Variants in FAM204A observed in about 807,000 individuals in gnomAD.
The protein encoded by FAM204A is protein FAM204A.
In FAM204A, 16 loss-of-function variants were observed where a neutral mutation model predicts 35.4. That is an observed-to-expected ratio of 0.45 (90% CI 0.31 to 0.69). The LOEUF (loss-of-function observed/expected upper bound fraction) is 0.69, where lower values mean the gene tolerates loss of function less well. Ranked by LOEUF, FAM204A falls within the 30% of genes least tolerant of loss-of-function variation. The pLI is 0.07. For missense variants in FAM204A, 240 were observed against 265.7 expected, an observed-to-expected ratio of 0.90 and a Z score of 0.67; for synonymous variants, 76 against 86.9, an observed-to-expected ratio of 0.88 and a Z score of 0.70.
chr10:118,325,749 G>A (rs1846188588), intron 7 of FAM204A, among the ~76,000 whole-genome samples: 1 of 152,146 alleles, frequency 6.6e-6, no homozygotes, highest in Non-Finnish European at 1.5e-5. Context: ...TGAGCAAACA[G>A]TAAGAAAGCA....
chr10:118,313,927 G>T (rs944743253), intron 7 of FAM204A, among the ~76,000 whole-genome samples: 1 of 152,152 alleles, frequency 6.6e-6, no homozygotes, highest in African/African-American at 2.4e-5. Flanking sequence ...CCAAAGAGCA[G>T]CTCCCTATGT....
At chr10:118,322,164 T>C (rs1846128255) in intron 7 of FAM204A, 2 of 227,428 alleles carry the variant, frequency 8.8e-6, no homozygotes, top group Admixed American at 1.0e-4. Context: ...AAATCAGCAG[T>C]GGACACTAAA....
intron 7 of FAM204A, among the ~76,000 whole-genome samples, chr10:118,314,251 T>C (rs1438669544): frequency 6.6e-6 from 1 of 152,240 alleles, no homozygotes; most frequent in Non-Finnish European, 1.5e-5. Flanking sequence ...GTATATTTTC[T>C]AACTGTATTT....
chr10:118,332,098 G>A (rs966285199), intron 6 of FAM204A, among the ~76,000 whole-genome samples: 2 of 143,138 alleles, frequency 1.4e-5, no homozygotes, highest in African/African-American at 5.1e-5. Context: ...TTTGCACCTG[G>A]GAAGTGGAGG....
In FAM204A at chr10:118,307,792, A is replaced by T. The variant is rs943022868; in HGVS notation, c.*3065T>A. 2 of 152,230 alleles carry T rather than the reference A, an allele frequency of 1.3e-5. No homozygotes were observed. The highest frequency in any genetic ancestry group is 6.5e-5 in the Admixed American group (1 of 15,282). 9.4% of individuals were successfully genotyped at this position (152,230 alleles called of 1,614,324 possible). ...GTATAAAGAAAATCAGAAGATTTTA[A>T]TGTGAGTTCTAAGTTGTGACTTAAA... is the stretch of plus-strand genomic sequence containing the variant. On this transcript the variant is annotated 3_prime_UTR_variant, in exon 9 of 9. Transcript: ENST00000369183.
Position 118,308,199 on chromosome 10 carries a change from T to C in FAM204A, c.*2658A>G, listed in dbSNP as rs1845895593. 6.6e-6 allele frequency: 1 copy of C among 152,212 alleles called. No individual in the cohort carries two copies. Among genetic ancestry groups the C allele is most frequent in the African/African-American group, 2.4e-5 (1 of 41,454 alleles). The allele number at this position is 152,212 out of a possible 1,614,324, so 9.4% of individuals were successfully genotyped here. ...ACTTAAATAGTAAATCATAGTTACATTAATGCCATACCAACGGCCTGAAAC... is the reference window on the plus strand; with the variant it reads ...ACTTAAATAGTAAATCATAGTTACACTAATGCCATACCAACGGCCTGAAAC... On this transcript the variant is annotated 3_prime_UTR_variant, in exon 9 of 9. Coordinates refer to ENST00000369183, the MANE Select transcript of FAM204A (RefSeq NM_022063.3).
chr10:118,319,091 T>C (rs1393613486), intron 7 of FAM204A, among the ~76,000 whole-genome samples: 2 of 152,008 alleles, frequency 1.3e-5, no homozygotes, highest in African/African-American at 4.8e-5. Context: ...GGAAAAGTCC[T>C]GAATACTAGA....
rs1845786125 is a variant in FAM204A, at chr10:118,299,550, A to AT, written c.*11306dup. On this transcript the variant is annotated 3_prime_UTR_variant, in exon 9 of 9. Coordinates refer to ENST00000369183, the MANE Select transcript of FAM204A (RefSeq NM_022063.3). ...AGGGGTGTACCACCACATATGGCTA[A>AT]TTTTTTATTTTTTGTAGTGATGAAG... 1 of 151,742 alleles carries AT rather than the reference A, an allele frequency of 6.6e-6. No individual in the cohort carries two copies. The highest frequency in any genetic ancestry group is 2.4e-5 in the African/African-American group (1 of 41,216). 9.4% of individuals were successfully genotyped at this position (151,742 alleles called of 1,614,324 possible). A position where few individuals can be genotyped will look rare whatever the true frequency, so the allele number is the denominator to read the frequency against.
rs749294833 is a variant in FAM204A, at chr10:118,301,806, G to T, written c.*9051C>A. The T allele has an allele frequency of 6.6e-6, 1 of 152,218 alleles. No individual in the cohort carries two copies. The highest frequency in any genetic ancestry group is 2.1e-4 in the South Asian group (1 of 4,828). 9.4% of individuals were successfully genotyped at this position (152,218 alleles called of 1,614,324 possible). On this transcript the variant is annotated 3_prime_UTR_variant, in exon 9 of 9. Transcript: ENST00000369183. ...CTCAGGAGAACCCAAGGTACAGAGA[G>T]ATTAAGTAGCCTGCCGGAGGTTACA...
At position 118,298,743 on chromosome 10, in the gene FAM204A, G is replaced by C. The variant is rs988681904; in HGVS notation, c.*12114C>G. ...ATGAGGACCAGTGATGAAATGTCTG[G>C]GGAAGAGGTTTCAGTCAACTGTCAC... is the stretch of plus-strand genomic sequence containing the variant. On this transcript the variant is annotated 3_prime_UTR_variant, in exon 9 of 9. Coordinates refer to ENST00000369183, the MANE Select transcript of FAM204A (RefSeq NM_022063.3). 5 of 152,154 alleles carry C rather than the reference G, an allele frequency of 3.3e-5. No individual in the cohort carries two copies. The highest frequency in any genetic ancestry group is 5.9e-5 in the Non-Finnish European group (4 of 68,034). 9.4% of individuals were successfully genotyped at this position (152,154 alleles called of 1,614,324 possible).
In FAM204A at chr10:118,300,511, T is replaced by C. The variant is rs1474633705; in HGVS notation, c.*10346A>G. 2 of 152,204 alleles carry C rather than the reference T, an allele frequency of 1.3e-5. No homozygotes were observed. Among genetic ancestry groups the C allele is most frequent in the East Asian group, 3.8e-4 (2 of 5,196 alleles). 9.4% of individuals were successfully genotyped at this position (152,204 alleles called of 1,614,324 possible). A position where few individuals can be genotyped will look rare whatever the true frequency, so the allele number is the denominator to read the frequency against. On this transcript the variant is annotated 3_prime_UTR_variant, in exon 9 of 9. Coordinates refer to ENST00000369183, the MANE Select transcript of FAM204A (RefSeq NM_022063.3). ...ATCATGGTGGTGTAGCCTAGGGCACTGATTAACATTGGCTGAACACATATT... is the reference window on the plus strand; with the variant it reads ...ATCATGGTGGTGTAGCCTAGGGCACCGATTAACATTGGCTGAACACATATT...
chr10:118,323,243 C>T (rs1233029270), intron 7 of FAM204A, among the ~76,000 whole-genome samples: 6 of 152,072 alleles, frequency 3.9e-5, no homozygotes, highest in African/African-American at 1.4e-4. Context: ...TTTCTAAGAA[C>T]AATAGGGCAG....
At chr10:118,314,325 T>C (rs1326909424) in intron 7 of FAM204A, among the ~76,000 whole-genome samples, 1 of 152,236 alleles carries the variant, frequency 6.6e-6, no homozygotes, top group Non-Finnish European at 1.5e-5. Flanking sequence ...ACCTGGTCTA[T>C]GTATTTTCTA....
intron 7 of FAM204A, among the ~76,000 whole-genome samples, chr10:118,325,740 G>C (rs1334654248): frequency 2.0e-5 from 3 of 152,268 alleles, no homozygotes; most frequent in Non-Finnish European, 4.4e-5. Context: ...GGGATGTGCT[G>C]AGCAAACAGT....
intron 7 of FAM204A, among the ~76,000 whole-genome samples, chr10:118,316,019 C>T (rs987763454): frequency 1.3e-5 from 2 of 152,038 alleles, no homozygotes; most frequent in Middle Eastern, 3.2e-3. Context: ...TACTTTTTAT[C>T]CAATTTTTAA....
intron 2 of FAM204A, chr10:118,337,195 T>C: frequency 2.1e-6 from 2 of 972,584 alleles, no homozygotes; most frequent in Non-Finnish European, 2.4e-6. Flanking sequence ...ATTGTTATCA[T>C]TTGCTAAAAG....
At chr10:118,326,301 C>A in intron 6 of FAM204A, 58 bp from the exon 7 acceptor site, 2 of 1,404,046 alleles carry the variant, frequency 1.4e-6, no homozygotes, top group South Asian at 1.2e-5. Flanking sequence ...ATTTGCTAGC[C>A]AAGACCATGT....
chr10:118,327,879 T>C (rs1370028997), intron 6 of FAM204A, among the ~76,000 whole-genome samples: 4 of 152,206 alleles, frequency 2.6e-5, no homozygotes, highest in Non-Finnish European at 5.9e-5. Context: ...AAGAGGATTG[T>C]TTGAGCCCAG....
In FAM204A at chr10:118,307,630, C is replaced by T. The variant is rs1351825876; in HGVS notation, c.*3227G>A. The T allele has an allele frequency of 6.6e-6, 1 of 152,172 alleles. No individual in the cohort carries two copies. The highest frequency in any genetic ancestry group is 1.9e-4 in the East Asian group (1 of 5,198). 9.4% of individuals were successfully genotyped at this position (152,172 alleles called of 1,614,324 possible). A position where few individuals can be genotyped will look rare whatever the true frequency, so the allele number is the denominator to read the frequency against. On this transcript the variant is annotated 3_prime_UTR_variant, in exon 9 of 9. Coordinates refer to ENST00000369183, the MANE Select transcript of FAM204A (RefSeq NM_022063.3). The stretch of plus-strand genomic sequence containing the variant: ...ACAATATGTTTTATATTTAGCAAGA[C>T]ACACATTTCTTAAAAAGTAATGTCT...
Sources: gnomAD v4.1 joint callset for allele counts (sites outside exome capture counted in the v4.1 genomes callset) on GRCh38, gnomAD v4.1.1 for gene constraint, MANE v1.5 for transcripts, NCBI Gene and HGNC (gene_info 2026-07-23, HGNC 2026-07-21) for gene names.